The following FAT1 variants were observed in gnomAD, a reference collection of about 807,000 sequenced individuals.
The protein encoded by FAT1 is FAT atypical cadherin 1.
Under a neutral mutation model 329.8 loss-of-function variants are expected in FAT1, and 171 were observed. The ratio of observed to expected loss-of-function variants is 0.52; its 90% CI spans 0.46 to 0.59. The LOEUF (loss-of-function observed/expected upper bound fraction) is 0.59, where lower values mean the gene tolerates loss of function less well. Ranked by LOEUF, FAT1 falls within the 20% of genes least tolerant of loss-of-function variation. The pLI is 0.00. For missense variants in FAT1, 5,672 were observed against 5,774.4 expected, an observed-to-expected ratio of 0.98 and a Z score of 0.57; for synonymous variants, 2,233 against 2,228.6, an observed-to-expected ratio of 1.00 and a Z score of -0.06.
chr4:186,685,511 T>C (rs1476197567), intron 2 of FAT1, among the ~76,000 whole-genome samples: 1 of 152,218 alleles, frequency 6.6e-6, no homozygotes, highest in Non-Finnish European at 1.5e-5. Context: ...TTTCTGATTA[T>C]ATTCCTTAGG....
Position 186,709,180 on chromosome 4 carries a change from C to A in FAT1, c.648G>T (p.Lys216Asn), listed in dbSNP as rs1306313566. 1 of 1,613,992 alleles carries A rather than the reference C, an allele frequency of 6.2e-7. No homozygotes were observed. Among genetic ancestry groups the A allele is most frequent in the Non-Finnish European group, 8.5e-7 (1 of 1,179,892 alleles). ...CAGCGAGGATTTCCATCTCATAGAG[C>A]TTGGTCTCTAGGTAATCAAGTCTAC... is the stretch of plus-strand genomic sequence containing the variant. ...LTGRLDYLET[K>N]LYEMEILAAD... is the part of the protein sequence containing the mutation. The change falls in exon 2 of 27, where the codon AAG (lysine) becomes AAT (asparagine). Residue 216 changes from lysine (K) to asparagine (N), a missense_variant. Coordinates refer to ENST00000441802, the MANE Select transcript of FAT1 (RefSeq NM_005245.4).
intron 3 of FAT1, among the ~76,000 whole-genome samples, chr4:186,648,060 A>C (rs1449984223): frequency 1.3e-5 from 2 of 152,182 alleles, no homozygotes; most frequent in Non-Finnish European, 2.9e-5. Flanking sequence ...TGAGACATGC[A>C]TATGTGTGTA....
intron 2 of FAT1, among the ~76,000 whole-genome samples, chr4:186,672,040 T>C (rs996596971): frequency 2.0e-5 from 3 of 152,192 alleles, no homozygotes; most frequent in Non-Finnish European, 4.4e-5. Flanking sequence ...TACTTTCCTT[T>C]CACCTGAAGT....
Position 186,708,385 on chromosome 4 carries a change from A to G in FAT1, c.1443T>C (p.Thr481=), listed in dbSNP as rs367568414. 1.1e-5 allele frequency: 17 copies of G among 1,613,960 alleles called. No homozygotes were observed. Among genetic ancestry groups the G allele is most frequent in the South Asian group, 4.4e-5 (4 of 91,074 alleles). ...AFDENVPIGT[T]VMSLSAVDPD... is the part of the protein sequence containing the mutation. ...GGTCTACGGCACTCAGGCTCATGACAGTAGTACCAATGGGCACGTTCTCAT... is the reference window on the plus strand; with the variant it reads ...GGTCTACGGCACTCAGGCTCATGACGGTAGTACCAATGGGCACGTTCTCAT... The change falls in exon 2 of 27, where the codon ACT becomes ACC. Residue 481 remains threonine, a synonymous_variant. Coordinates refer to ENST00000441802, the MANE Select transcript of FAT1 (RefSeq NM_005245.4).
At chr4:186,672,411 A>G (rs1233177080) in intron 2 of FAT1, among the ~76,000 whole-genome samples, 1 of 152,208 alleles carries the variant, frequency 6.6e-6, no homozygotes, top group East Asian at 1.9e-4. Context: ...TAAATCATGT[A>G]TAATTTCTTT....
At chr4:186,669,875 TCA>T (rs1742650074) in intron 2 of FAT1, among the ~76,000 whole-genome samples, 4 of 152,078 alleles carry the variant, frequency 2.6e-5, no homozygotes, top group Admixed American at 2.0e-4. Context: ...CAAAAGTAAA[TCA>T]CAGTTTCCAA....
At chr4:186,624,194 T>C (rs1440791506) in intron 9 of FAT1, among the ~76,000 whole-genome samples, 1 of 132,590 alleles carries the variant, frequency 7.5e-6, no homozygotes, top group East Asian at 2.0e-4. Context: ...TCACTGACTT[T>C]AGCTACAATA....
Position 186,707,484 on chromosome 4 carries a change from G to A in FAT1, c.2344C>T (p.Arg782Cys), listed in dbSNP as rs556690116. The change falls in exon 2 of 27, where the codon CGT becomes TGT. Residue 782 changes from arginine to cysteine, a missense_variant. Around this residue, in one of 2 missense-constraint regions of FAT1, gnomAD observed 3,966 missense variants for 3,915.2 expected, o/e 1.01. Coordinates refer to ENST00000441802, the MANE Select transcript of FAT1 (RefSeq NM_005245.4). ...AGGGTGTATTTGTCTGTTGTTTCAC[G>A]GTCAAGAGGAGATAAAATTTTCAGC... ...GMLKILSPLD[R>C]ETTDKYTLNI... 10 of 1,613,936 alleles carry A rather than the reference G, an allele frequency of 6.2e-6. No individual in the cohort carries two copies. The highest frequency in any genetic ancestry group is 5.3e-5 in the African/African-American group (4 of 75,026).
rs2126466125 is a variant in FAT1, at chr4:186,611,379, A to G, written c.9853+7T>C. On this transcript the variant is annotated splice_region_variant and intron_variant, in intron 14 of 26. Coordinates refer to ENST00000441802, the MANE Select transcript of FAT1 (RefSeq NM_005245.4). ...AAGGGTTTCCTCTCAGATACATGGT[A>G]GGTTACCTGTTTTAGAATCTATGCT... The G allele has an allele frequency of 6.3e-7, 1 of 1,598,248 alleles. No homozygotes were observed. The highest frequency in any genetic ancestry group is 8.5e-7 in the Non-Finnish European group (1 of 1,171,606).
At chr4:186,603,129 T>A (rs2126423935) in intron 19 of FAT1, 47 bp downstream of exon 19, 1 of 1,608,496 alleles carries the variant, frequency 6.2e-7, no homozygotes, top group South Asian at 1.1e-5. Context: ...TCAAAGGCCG[T>A]CTGAAACCAT....
intron 26 of FAT1, 101 bp from the exon 27 acceptor site, chr4:186,589,321 T>G: frequency 7.8e-7 from 1 of 1,277,350 alleles, no homozygotes; most frequent in South Asian, 1.5e-5. Context: ...GCAACCGCAT[T>G]TATGCCTTCA....
In FAT1 at chr4:186,589,173, C is replaced by T. The variant is rs1193130700; in HGVS notation, c.13186G>A (p.Asp4396Asn). ...SDWMPSVPLP[D>N]IQEFPNYEVI... ...TCATAGTTGGGGAACTCTTGTATGTCCGGCAGAGGAACGCTTGGCATCCAA... is the reference window on the plus strand; with the variant it reads ...TCATAGTTGGGGAACTCTTGTATGTTCGGCAGAGGAACGCTTGGCATCCAA... Residue 4396 changes from aspartate to asparagine, a missense_variant, in exon 27 of 27, where the codon GAC becomes AAC. Transcript: ENST00000441802. 6.2e-7 allele frequency: 1 copy of T among 1,613,580 alleles called. No homozygotes were observed. Among genetic ancestry groups the T allele is most frequent in the South Asian group, 1.1e-5 (1 of 90,964 alleles).
intron 3 of FAT1, among the ~76,000 whole-genome samples, chr4:186,653,502 C>T (rs1005054956): frequency 2.0e-5 from 3 of 152,110 alleles, no homozygotes; most frequent in Non-Finnish European, 2.9e-5. Flanking sequence ...AAAAGTCTAT[C>T]CCTTCAAAAT....
At chr4:186,725,780 A>G (rs1411972023), upstream of FAT1, among the ~76,000 whole-genome samples, 2 of 152,166 alleles carry the variant, frequency 1.3e-5, no homozygotes, top group Admixed American at 1.3e-4. This position sits in a 1 kb window ranked among gnomAD's most constrained non-coding sequence, Gnocchi z 5.4. Context: ...AGGCTCGTGG[A>G]AATTAGGGAG....
rs771825808 is a variant in FAT1 at position 186,709,322 on chromosome 4, G to C, written c.506C>G (p.Ala169Gly). 1 of 1,613,936 alleles carries C rather than the reference G, an allele frequency of 6.2e-7. No homozygotes were observed. The change falls in exon 2 of 27, where the codon GCA (alanine) becomes GGA (glycine). Residue 169 changes from alanine to glycine, a missense_variant. Ala to Gly is a moderately conservative substitution (Grantham distance 60). Coordinates refer to ENST00000441802, the MANE Select transcript of FAT1 (RefSeq NM_005245.4). Reference protein sequence around the residue: ...PENTAIRTSIARVSATDADIG... With the variant: ...PENTAIRTSIGRVSATDADIG... ...GTCTGCATCCGTGGCGCTGACTCTT[G>C]CGATACTGGTCCTTATAGCTGTGTT...
At chr4:186,650,888 C>T (rs916778402) in intron 3 of FAT1, among the ~76,000 whole-genome samples, 5 of 151,976 alleles carry the variant, frequency 3.3e-5, no homozygotes, top group African/African-American at 1.2e-4. Flanking sequence ...GGTAAGCTAC[C>T]AAAGAACTAC....
intron 2 of FAT1, among the ~76,000 whole-genome samples, chr4:186,683,336 G>A (rs1743313033): frequency 6.6e-6 from 1 of 152,056 alleles, no homozygotes; most frequent in Non-Finnish European, 1.5e-5. Flanking sequence ...GAAGGGCACA[G>A]CACCATCCAC....
intron 26 of FAT1, chr4:186,590,303 C>G: frequency 9.2e-7 from 1 of 1,083,058 alleles, no homozygotes; most frequent in Non-Finnish European, 1.2e-6. Context: ...TCAGTCAGCA[C>G]TGGGGCAAGG....
At chr4:186,675,812 CACACACACACACAATT>C (rs1253032360) in intron 2 of FAT1, among the ~76,000 whole-genome samples, 82 of 151,042 alleles carry the variant, frequency 5.4e-4, no homozygotes, top group Middle Eastern at 3.4e-3. Context: ...CACACACACA[CACACACACACACAATT>C]AATTTTTAAA....
Sources: allele counts gnomAD v4.1 joint callset (sites outside exome capture counted in the v4.1 genomes callset), GRCh38; gene constraint gnomAD v4.1.1; regional missense constraint gnomAD v4.1.1; non-coding constraint Gnocchi (gnomAD v3.1); transcripts MANE v1.5; gene names NCBI Gene and HGNC (gene_info 2026-07-23, HGNC 2026-07-21).